Variants in FRMD3 observed in about 807,000 individuals in gnomAD.
The protein encoded by FRMD3 is FERM domain containing 3.
Under a neutral mutation model 70.2 loss-of-function variants are expected in FRMD3, and 33 were observed. The ratio of observed to expected loss-of-function variants is 0.47; its 90% CI spans 0.36 to 0.63. The LOEUF (loss-of-function observed/expected upper bound fraction) is 0.63. FRMD3 is among the 20% of genes least tolerant of loss of function. The pLI is 0.00. For missense variants in FRMD3, 632 were observed against 711.4 expected, an observed-to-expected ratio of 0.89 and a Z score of 1.27; for synonymous variants, 279 against 255.9, an observed-to-expected ratio of 1.09 and a Z score of -0.86.
chr9:83,259,516 C>A (rs935854807), intron 13 of FRMD3, among the ~76,000 whole-genome samples: 2 of 152,218 alleles, frequency 1.3e-5, no homozygotes, highest in African/African-American at 4.8e-5. Context: ...GTGAGTCATG[C>A]TTGAGAAAAA....
At chr9:83,373,191 A>C (rs1215591948) in intron 2 of FRMD3, among the ~76,000 whole-genome samples, 1 of 152,208 alleles carries the variant, frequency 6.6e-6, no homozygotes, top group Non-Finnish European at 1.5e-5. Flanking sequence ...AGTTGCTAGG[A>C]GAGAAGGACA....
intron 1 of FRMD3, among the ~76,000 whole-genome samples, chr9:83,517,086 CA>C (rs1023792027): frequency 6.6e-5 from 10 of 152,086 alleles, no homozygotes; most frequent in African/African-American, 2.4e-4. Flanking sequence ...CAAACAAGTT[CA>C]AAAGCTAGCA....
rs1200194925 is a variant in FRMD3, at chr9:83,537,606, G to A, written c.147+479C>T. On this transcript the variant is annotated intron_variant, in intron 1 of 13. Coordinates refer to ENST00000304195, the MANE Select transcript of FRMD3 (RefSeq NM_174938.6). This position sits in a 1 kb window ranked among gnomAD's most constrained non-coding sequence, Gnocchi z 4.1. ...CGACACGGAGCGGAAAGCAGGTTCCGGGACTGAGGGCGTCTCCGGAGCCTG... is the reference window on the plus strand; with the variant it reads ...CGACACGGAGCGGAAAGCAGGTTCCAGGACTGAGGGCGTCTCCGGAGCCTG... Among the ~76,000 whole-genome samples, 5 of 152,196 alleles carry A rather than the reference G, an allele frequency of 3.3e-5. No individual in the cohort carries two copies. The highest frequency in any genetic ancestry group is 1.9e-4 in the East Asian group (1 of 5,180).
intron 1 of FRMD3, among the ~76,000 whole-genome samples, chr9:83,479,916 T>C (rs11140112): frequency 0.11 from 17,417 of 151,870 alleles, 1,348 homozygotes; most frequent in African/African-American, 0.22. Flanking sequence ...AATGATTCAA[T>C]AGGCAAAAAT....
chr9:83,496,733 T>G lies in FRMD3; in HGVS notation c.147+41352A>C, dbSNP rs1394365585. Among the ~76,000 whole-genome samples the G allele has an allele frequency of 2.6e-5, 4 of 152,346 alleles. No homozygotes were observed. In the South Asian group the frequency reaches 6.2e-4, roughly 24 times the overall value. On this transcript the variant is annotated intron_variant, in intron 1 of 13. Coordinates refer to ENST00000304195, the MANE Select transcript of FRMD3 (RefSeq NM_174938.6). ...TTTGCCACTTTAAATCTGGTTCTTATGAATGAACACTGTTGTTTCCCCAGG... is the reference window on the plus strand; with the variant it reads ...TTTGCCACTTTAAATCTGGTTCTTAGGAATGAACACTGTTGTTTCCCCAGG...
chr9:83,289,068 A>G (rs1394725529), intron 13 of FRMD3, among the ~76,000 whole-genome samples: 1 of 152,168 alleles, frequency 6.6e-6, no homozygotes, highest in Non-Finnish European at 1.5e-5. Context: ...CTTCATTTAA[A>G]CTTGGGATAA....
chr9:83,466,418 A>T (rs1239776649), intron 1 of FRMD3, among the ~76,000 whole-genome samples: 1 of 152,224 alleles, frequency 6.6e-6, no homozygotes, highest in Non-Finnish European at 1.5e-5. Context: ...AAAGGCTAGA[A>T]AGCCGAGTTC....
chr9:83,294,457 C>T (rs755553319), intron 12 of FRMD3, among the ~76,000 whole-genome samples: 29 of 152,134 alleles, frequency 1.9e-4, no homozygotes, highest in Non-Finnish European at 3.8e-4. Flanking sequence ...TTAAAGGTGC[C>T]AACTGATCCT....
the FRMD3 span, among the ~76,000 whole-genome samples, chr9:83,566,919 A>G: frequency 3.9e-5 from 6 of 152,302 alleles, no homozygotes; most frequent in Non-Finnish European, 8.8e-5. Context: ...TGGATCTACC[A>G]TTCTGGGGTC....
chr9:83,522,050 G>A (rs1312197166), intron 1 of FRMD3, among the ~76,000 whole-genome samples: 1 of 152,144 alleles, frequency 6.6e-6, no homozygotes, highest in Non-Finnish European at 1.5e-5. Flanking sequence ...ACGTCTAGTA[G>A]GAACCAAGGA....
Position 83,255,283 on chromosome 9 carries a change from A to G in FRMD3, c.1196-6767T>C, listed in dbSNP as rs1364861982. Among the ~76,000 whole-genome samples the G allele has an allele frequency of 9.2e-5, 14 of 152,218 alleles. 1 individual carries two copies. The highest frequency in any genetic ancestry group is 1.8e-4 in the Non-Finnish European group (12 of 68,050). On this transcript the variant is annotated intron_variant, in intron 13 of 13. Transcript: ENST00000304195. The stretch of plus-strand genomic sequence containing the variant: ...AAACAGAGCTACAGACAAAAGACAC[A>G]TGATTATCTCAATATATGCAGTAAA...
intron 13 of FRMD3, among the ~76,000 whole-genome samples, chr9:83,254,436 A>C (rs1297035232): frequency 6.6e-6 from 1 of 152,034 alleles, no homozygotes; most frequent in East Asian, 1.9e-4. Flanking sequence ...AAAGCTAGAA[A>C]GATCTCAAGT....
intron 13 of FRMD3, among the ~76,000 whole-genome samples, chr9:83,254,484 C>G (rs1832597402): frequency 6.6e-6 from 1 of 150,414 alleles, no homozygotes; most frequent in African/African-American, 2.4e-5. Context: ...ACTAGAGAAC[C>G]AAGTGCAAAC....
chr9:83,492,491 T>C (rs1244921709), intron 1 of FRMD3, among the ~76,000 whole-genome samples: 1 of 152,172 alleles, frequency 6.6e-6, no homozygotes, highest in African/African-American at 2.4e-5. Flanking sequence ...GAAGGCTTCC[T>C]TCCCACCTGC....
At chr9:83,579,301 T>TA in the FRMD3 span, among the ~76,000 whole-genome samples, 5,255 of 141,760 alleles carry the variant, frequency 0.037, 121 homozygotes, top group East Asian at 0.09. Context: ...CAGAGAAATG[T>TA]AAAAAAAAAA....
At chr9:83,476,175 G>A (rs1408456576) in intron 1 of FRMD3, among the ~76,000 whole-genome samples, 1 of 152,146 alleles carries the variant, frequency 6.6e-6, no homozygotes, top group East Asian at 1.9e-4. Context: ...CCTGAGGTCA[G>A]GATTTTGAGA....
Position 83,303,544 on chromosome 9 carries a change from G to A in FRMD3, c.927-4358C>T, listed in dbSNP as rs147348323. 2.3e-3 allele frequency among the ~76,000 whole-genome samples: 345 copies of A among 152,258 alleles called. 1 individual carries two copies. The highest frequency in any genetic ancestry group is 3.5e-3 in the Non-Finnish European group (238 of 68,022). ...AGAATCTGCATTTCCAAAAAATCCCGGGAGTGATGATGCTGGTCCAGGGAC... is the reference window on the plus strand; with the variant it reads ...AGAATCTGCATTTCCAAAAAATCCCAGGAGTGATGATGCTGGTCCAGGGAC... On this transcript the variant is annotated intron_variant, in intron 10 of 13. Coordinates refer to ENST00000304195, the MANE Select transcript of FRMD3 (RefSeq NM_174938.6).
chr9:83,249,683 A>G (rs1388517668), intron 13 of FRMD3, among the ~76,000 whole-genome samples: 1 of 152,218 alleles, frequency 6.6e-6, no homozygotes, highest in Non-Finnish European at 1.5e-5. Flanking sequence ...AAAGGTCAAC[A>G]AGCACATGAA....
chr9:83,574,969 T>G, the FRMD3 span, among the ~76,000 whole-genome samples: 4 of 152,266 alleles, frequency 2.6e-5, no homozygotes, highest in East Asian at 7.7e-4. Flanking sequence ...AGATGTTTCT[T>G]CCTTGTTGCA....
Sources: gnomAD v4.1 joint callset for allele counts (sites outside exome capture counted in the v4.1 genomes callset) on GRCh38, gnomAD v4.1.1 for gene constraint, Gnocchi (gnomAD v3.1) non-coding constraint, MANE v1.5 for transcripts, NCBI Gene and HGNC (gene_info 2026-07-23, HGNC 2026-07-21) for gene names.